The following SRFBP1 variants were observed in gnomAD, a reference collection of about 807,000 sequenced individuals.
SRFBP1 encodes the protein serum response factor binding protein 1, also known as serum response factor-binding protein 1.
In SRFBP1, 47 loss-of-function variants were observed where a neutral mutation model predicts 45.5. The ratio of observed to expected loss-of-function variants is 1.03; its 90% CI spans 0.82 to 1.32. The LOEUF (loss-of-function observed/expected upper bound fraction) is 1.32. Ranked by LOEUF, SRFBP1 falls within the 40% of genes most tolerant of loss-of-function variation. The pLI, the probability that SRFBP1 is intolerant of heterozygous loss-of-function variation, is 0.00. For missense variants in SRFBP1, 621 were observed against 484.6 expected, an observed-to-expected ratio of 1.28 and a Z score of -2.64; for synonymous variants, 203 against 166.3, an observed-to-expected ratio of 1.22 and a Z score of -1.70.
chr5:122,020,645 G>C lies in SRFBP1; in HGVS notation c.910G>C (p.Val304Leu). 6.2e-7 allele frequency: 1 copy of C among 1,614,034 alleles called. No homozygotes were observed. Among genetic ancestry groups the C allele is most frequent in the Non-Finnish European group, 8.5e-7 (1 of 1,179,966 alleles). Residue 304 changes from valine to leucine, a missense_variant, in exon 6 of 8, where the codon GTT becomes CTT. Val to Leu is a conservative substitution (Grantham distance 32, BLOSUM62 1). Coordinates refer to ENST00000339397, the MANE Select transcript of SRFBP1 (RefSeq NM_152546.3). ...GAAGGAAAGTAGTTGTCATTCTTCA[G>C]TTAAGGAACAAAAACCACTAGAAAA... ...RKKESSCHSS[V>L]KEQKPLEKVF...
At chr5:122,023,880 A>G (rs928313482) in intron 7 of SRFBP1, among the ~76,000 whole-genome samples, 2 of 152,148 alleles carry the variant, frequency 1.3e-5, no homozygotes, top group Non-Finnish European at 2.9e-5. Flanking sequence ...TCTTTGAGCT[A>G]GTTCTCAAAC....
rs959520050 is a variant in SRFBP1, at chr5:122,020,900, T to C, written c.1067+98T>C. The C allele has an allele frequency of 7.0e-6, 8 of 1,143,956 alleles. No individual in the cohort carries two copies. The Admixed American group carries it at 2.0e-4, about 29-fold the overall frequency. The allele number at this position is 1,143,956 out of a possible 1,614,324, so 70.9% of individuals were successfully genotyped here. A position where few individuals can be genotyped will look rare whatever the true frequency, so the allele number is the denominator to read the frequency against. ...ACATGAAGAGACTATAATTCTAGTT[T>C]GTACAACCCATCCTGTTTTTAGACA... On this transcript the variant is annotated intron_variant, in intron 6 of 7. Transcript: ENST00000339397.
At chr5:122,077,343 G>T, downstream of SRFBP1, 1 of 1,613,612 alleles carries the variant, frequency 6.2e-7, no homozygotes, top group South Asian at 1.1e-5. The surrounding 1 kb of genome is among the most constrained non-coding windows in gnomAD (Gnocchi z 4.9). Flanking sequence ...CAGCGGACTT[G>T]GGGGTACTTA....
intron 2 of SRFBP1, among the ~76,000 whole-genome samples, chr5:122,048,301 A>G (rs1580544015): frequency 6.6e-6 from 1 of 152,234 alleles, no homozygotes; most frequent in African/African-American, 2.4e-5. Flanking sequence ...TATTGAGATA[A>G]TCCTATGGTT....
intron 2 of SRFBP1, among the ~76,000 whole-genome samples, chr5:122,051,840 G>T (rs954198403): frequency 1.3e-5 from 2 of 152,082 alleles, no homozygotes; most frequent in African/African-American, 4.8e-5. Flanking sequence ...TGGTTGCTTT[G>T]TAGTGTCACT....
At chr5:122,013,871 T>C (rs1390158565) in intron 4 of SRFBP1, among the ~76,000 whole-genome samples, 2 of 152,106 alleles carry the variant, frequency 1.3e-5, no homozygotes, top group Non-Finnish European at 2.9e-5. Flanking sequence ...AGAATGGTCG[T>C]TACCAGAGGC....
At chr5:122,026,562 T>C (rs1753484405) in intron 7 of SRFBP1, among the ~76,000 whole-genome samples, 1 of 152,236 alleles carries the variant, frequency 6.6e-6, no homozygotes, top group African/African-American at 2.4e-5. Flanking sequence ...CTACATCTGC[T>C]TCATGTACAC....
At chr5:122,050,174 A>G (rs1019740498) in intron 2 of SRFBP1, among the ~76,000 whole-genome samples, 3 of 152,102 alleles carry the variant, frequency 2.0e-5, no homozygotes, top group African/African-American at 7.2e-5. Context: ...TTTTCCATCT[A>G]TGTTCATCAA....
At chr5:121,974,325 T>G (rs910720372) in intron 2 of SRFBP1, 41 bp downstream of exon 2, 1 of 1,420,904 alleles carries the variant, frequency 7.0e-7, no homozygotes, top group African/African-American at 1.4e-5. Context: ...TAATAAAATG[T>G]CAAAAGTTGT....
At chr5:122,048,374 C>T (rs1300305570) in intron 2 of SRFBP1, among the ~76,000 whole-genome samples, 1 of 152,136 alleles carries the variant, frequency 6.6e-6, no homozygotes, top group East Asian at 1.9e-4. Flanking sequence ...TTGAACCAGC[C>T]TTGCATCCCA....
rs1305368909 is a variant in SRFBP1, at chr5:122,027,156, C to T, written c.*30C>T. ...TGCCTCTTTCTGCAAACTTTTCCAT[C>T]TAAAAAAAAAAATGTTTTTTTTAAG... On this transcript the variant is annotated 3_prime_UTR_variant, in exon 8 of 8. Transcript: ENST00000339397. 2.6e-6 allele frequency: 4 copies of T among 1,542,390 alleles called. No homozygotes were observed. Among genetic ancestry groups the T allele is most frequent in the African/African-American group, 1.4e-5 (1 of 71,428 alleles).
Position 122,027,247 on chromosome 5 carries a change from A to C in SRFBP1, c.*121A>C. The C allele has an allele frequency of 1.3e-6, 1 of 781,894 alleles. No homozygotes were observed. Among genetic ancestry groups the C allele is most frequent in the Non-Finnish European group, 2.0e-6 (1 of 507,246 alleles). The allele number at this position is 781,894 out of a possible 1,614,324, so 48.4% of individuals were successfully genotyped here. A position where few individuals can be genotyped will look rare whatever the true frequency, so the allele number is the denominator to read the frequency against. The stretch of plus-strand genomic sequence containing the variant: ...GCAATCACAGCTCACTGCAGCCTCA[A>C]ACTCCTGGGCTCAAGTGATCCTCCC... On this transcript the variant is annotated 3_prime_UTR_variant, in exon 8 of 8. Coordinates refer to ENST00000339397, the MANE Select transcript of SRFBP1 (RefSeq NM_152546.3).
chr5:122,008,745 G>A (rs1168244755), intron 4 of SRFBP1, among the ~76,000 whole-genome samples: 1 of 152,050 alleles, frequency 6.6e-6, no homozygotes, highest in Non-Finnish European at 1.5e-5. Context: ...CCATCTTGCT[G>A]ACATCTATCC....
intron 4 of SRFBP1, among the ~76,000 whole-genome samples, chr5:122,004,117 C>G (rs1465701999): frequency 6.6e-6 from 1 of 152,086 alleles, no homozygotes; most frequent in Non-Finnish European, 1.5e-5. Context: ...GCAAGTGTAG[C>G]TGGGACTACA....
chr5:122,059,408 A>T (rs1754136690), intron 2 of SRFBP1, among the ~76,000 whole-genome samples: 1 of 152,054 alleles, frequency 6.6e-6, no homozygotes, highest in Non-Finnish European at 1.5e-5. Context: ...TACATCTCTG[A>T]TCTGCAATGC....
chr5:122,058,260 C>A (rs1561411651), intron 2 of SRFBP1, among the ~76,000 whole-genome samples: 2 of 152,088 alleles, frequency 1.3e-5, no homozygotes, highest in African/African-American at 4.8e-5. Context: ...ACATGAGCAC[C>A]ATGTCAAGAT....
At chr5:121,989,251 A>G (rs1480595169) in intron 3 of SRFBP1, among the ~76,000 whole-genome samples, 1 of 152,064 alleles carries the variant, frequency 6.6e-6, no homozygotes, top group Non-Finnish European at 1.5e-5. Context: ...TCTTTTTAGT[A>G]GAGACGGGGT....
At chr5:122,036,254 G>A (rs887040575) in intron 2 of SRFBP1, among the ~76,000 whole-genome samples, 14 of 152,088 alleles carry the variant, frequency 9.2e-5, no homozygotes, top group Non-Finnish European at 4.4e-5. Flanking sequence ...TTTATGGTGA[G>A]TACTCATCTG....
At chr5:122,006,425 A>G (rs996636769) in intron 4 of SRFBP1, among the ~76,000 whole-genome samples, 1 of 151,960 alleles carries the variant, frequency 6.6e-6, no homozygotes, top group Non-Finnish European at 1.5e-5. Context: ...GTACCTGGGT[A>G]TTTATGTCTT....
Sources: gnomAD v4.1 joint callset for allele counts (sites outside exome capture counted in the v4.1 genomes callset) on GRCh38, gnomAD v4.1.1 for gene constraint, Gnocchi (gnomAD v3.1) non-coding constraint, MANE v1.5 for transcripts, NCBI Gene and HGNC (gene_info 2026-07-23, HGNC 2026-07-21) for gene names.